ENPP3: variants seen among roughly 807,000 people sequenced by gnomAD.
The protein encoded by ENPP3 is ectonucleotide pyrophosphatase/phosphodiesterase 3, also known as ectonucleotide pyrophosphatase/phosphodiesterase family member 3.
In ENPP3, 104 loss-of-function variants were observed where a neutral mutation model predicts 117.8. That is an observed-to-expected ratio of 0.88 (90% CI 0.75 to 1.04). The LOEUF (loss-of-function observed/expected upper bound fraction) is 1.04. ENPP3 is among the 50% of genes least tolerant of loss of function. The probability of loss-of-function intolerance (pLI) is 0.00; values close to 1 mark genes in which losing one functional copy is unlikely to be tolerated. For missense variants in ENPP3, 1,026 were observed against 1,051.9 expected (o/e 0.98, Z 0.34); for synonymous variants, 380 against 349.9 (o/e 1.09, Z -0.96).
rs913747235 is a variant in ENPP3, at chr6:131,733,623, C to T, written c.1989C>T (p.Asp663=). ...DTSPLPPTVP[D]CLRADVRVPP... is the part of the protein sequence containing the mutation. Reference sequence around the variant, plus strand: ...CGCCTCTGCCTCCCACTGTCCCAGACTGTCTGCGGGCTGATGTCAGGGTTC... The same window carrying T: ...CGCCTCTGCCTCCCACTGTCCCAGATTGTCTGCGGGCTGATGTCAGGGTTC... The change falls in exon 21 of 25, where the codon GAC becomes GAT. Residue 663 remains aspartate (D), a synonymous_variant. Coordinates refer to ENST00000357639, the MANE Select transcript of ENPP3 (RefSeq NM_005021.5). 2 of 1,614,018 alleles carry T rather than the reference C, an allele frequency of 1.2e-6. No individual in the cohort carries two copies. The highest frequency in any genetic ancestry group is 2.2e-5 in the South Asian group (2 of 91,074).
chr6:131,730,914 CAAA>C (rs528990087), intron 20 of ENPP3, among the ~76,000 whole-genome samples: 3 of 98,116 alleles, frequency 3.1e-5, no homozygotes, highest in Non-Finnish European at 2.3e-5. Flanking sequence ...GACTCCATCT[CAAA>C]AAAAAAAAAA....
rs550999971 is a variant in ENPP3, at chr6:131,673,718, C to CAGAA, written c.643-426_643-423dup. Among the ~76,000 whole-genome samples the CAGAA allele has an allele frequency of 2.5e-3, 298 of 120,258 alleles. 2 individuals carry two copies. Among genetic ancestry groups the CAGAA allele is most frequent in the Middle Eastern group, 0.013 (3 of 226 alleles). 78.9% of individuals were successfully genotyped at this position (120,258 alleles called of 152,430 possible). A position where few individuals can be genotyped will look rare whatever the true frequency, so the allele number is the denominator to read the frequency against. On this transcript the variant is annotated intron_variant, in intron 7 of 24. Coordinates refer to ENST00000357639, the MANE Select transcript of ENPP3 (RefSeq NM_005021.5). ...AAGAAAAGACAGACAGACAGACAGA[C>CAGAA]AGAAAGAAAGAAAGAAAGAAAATAT...
At chr6:131,717,347 G>A (rs9493075) in intron 15 of ENPP3, among the ~76,000 whole-genome samples, 32,492 of 118,370 alleles carry the variant, frequency 0.27, 6,381 homozygotes, top group African/African-American at 0.59. Flanking sequence ...GAAACCCTGC[G>A]GGGGGTGTGT....
At position 131,639,521 on chromosome 6, in the gene ENPP3, ATC is replaced by A. The variant is rs566695069; in HGVS notation, c.79-1928_79-1927del. ...TGCATCATTAATTTCCCTTCTTTGT[ATC>A]TCTCTAGTGGTTTTTGAGTATATAT... On this transcript the variant is annotated intron_variant, in intron 1 of 24. Coordinates refer to ENST00000357639, the MANE Select transcript of ENPP3 (RefSeq NM_005021.5). Among the ~76,000 whole-genome samples, 10 of 152,138 alleles carry A rather than the reference ATC, an allele frequency of 6.6e-5. No homozygotes were observed. In the Middle Eastern group the frequency reaches 0.01, roughly 155 times the overall value.
intron 1 of ENPP3, chr6:131,638,682 C>A (rs1777977533): frequency 7.9e-6 from 2 of 253,106 alleles, no homozygotes; most frequent in African/African-American, 4.6e-5. Context: ...GCCTCGGCCT[C>A]CCAAAGTGCT....
rs1237341722 is a variant in ENPP3, at chr6:131,639,261, A to AT, written c.78+1800dup. 2.1e-3 allele frequency among the ~76,000 whole-genome samples: 136 copies of AT among 65,116 alleles called. 1 individual carries two copies. Among genetic ancestry groups the AT allele is most frequent in the African/African-American group, 5.4e-3 (57 of 10,462 alleles). The allele number at this position is 65,116 out of a possible 152,430, so 42.7% of individuals were successfully genotyped here. A position where few individuals can be genotyped will look rare whatever the true frequency, so the allele number is the denominator to read the frequency against. Reference sequence around the variant, plus strand: ...CTCTTATGCTAATATATATATATATATATATTTTTTTTTTTTTCTCTCTCT... The same window carrying AT: ...CTCTTATGCTAATATATATATATATATTATATTTTTTTTTTTTTCTCTCTCT... On this transcript the variant is annotated intron_variant, in intron 1 of 24. Transcript: ENST00000357639.
intron 11 of ENPP3, among the ~76,000 whole-genome samples, chr6:131,679,370 C>G (rs1382431141): frequency 6.6e-6 from 1 of 152,058 alleles, no homozygotes; most frequent in Non-Finnish European, 1.5e-5. Context: ...GTTGGGATTA[C>G]AGGCATGAAC....
rs778890783 is a variant in ENPP3 at position 131,674,221 on chromosome 6, C to A, written c.702C>A (p.Asn234Lys). The A allele has an allele frequency of 3.1e-6, 5 of 1,605,830 alleles. No individual in the cohort carries two copies. The highest frequency in any genetic ancestry group is 1.1e-5 in the South Asian group (1 of 90,898). The change falls in exon 8 of 25, where the codon AAC becomes AAA. Residue 234 changes from asparagine to lysine, a missense_variant. Coordinates refer to ENST00000357639, the MANE Select transcript of ENPP3 (RefSeq NM_005021.5). ...ATAATATGTATGATGTAAATCTCAA[C>A]AAGAATTTTTCACTTTCTTCAAAGG... Reference protein sequence around the residue: ...IDNNMYDVNLNKNFSLSSKEQ... With the variant: ...IDNNMYDVNLKKNFSLSSKEQ...
rs539783614 is a variant in ENPP3 at position 131,647,983 on chromosome 6, C to G, written c.155-2044C>G. On this transcript the variant is annotated intron_variant, in intron 2 of 24. Transcript: ENST00000357639. ...TTGTGTTTTCATGTACTCCTTTTGC[C>G]TTTCTGTCTTTCTTTATCTCTTTCC... is the stretch of plus-strand genomic sequence containing the variant. 2.6e-5 allele frequency among the ~76,000 whole-genome samples: 4 copies of G among 151,232 alleles called. No individual in the cohort carries two copies. The South Asian group carries it at 6.2e-4, about 24-fold the overall frequency.
intron 11 of ENPP3, among the ~76,000 whole-genome samples, chr6:131,679,593 G>T (rs1778978788): frequency 6.7e-6 from 1 of 150,138 alleles, no homozygotes; most frequent in Admixed American, 6.7e-5. Context: ...GTGCTGCAAA[G>T]GAAAAGATCG....
chr6:131,678,274 G>A (rs1203680274), intron 11 of ENPP3, among the ~76,000 whole-genome samples: 1 of 152,288 alleles, frequency 6.6e-6, no homozygotes, highest in South Asian at 2.1e-4. Flanking sequence ...TACTAATGTG[G>A]TGCATTTCAG....
chr6:131,705,109 G>GA (rs1414831310), intron 15 of ENPP3, among the ~76,000 whole-genome samples: 1 of 47,274 alleles, frequency 2.1e-5, no homozygotes, highest in South Asian at 5.1e-4. Context: ...GAGGAAGAGA[G>GA]AGAGGGAAAT....
intron 18 of ENPP3, among the ~76,000 whole-genome samples, chr6:131,723,825 TCTCACA>T (rs1374711911): frequency 3.6e-5 from 5 of 140,782 alleles, no homozygotes; most frequent in African/African-American, 1.5e-4. Flanking sequence ...TCTCTCTCTC[TCTCACA>T]CACACACACA....
chr6:131,711,074 A>AG lies in ENPP3; in HGVS notation c.1413-7597dup, dbSNP rs1410560482. On this transcript the variant is annotated intron_variant, in intron 15 of 24. Transcript: ENST00000357639. ...TAACACTGGCCACAACAAGCGGTGG[A>AG]GAACACGCAGCCTTGGGTCTGGAAC... 814 of 1,563,850 alleles carry AG rather than the reference A, an allele frequency of 5.2e-4. 5 individuals are homozygous for AG. Among genetic ancestry groups the AG allele is most frequent in the Non-Finnish European group, 6.8e-4 (785 of 1,161,754 alleles).
chr6:131,678,117 C>T (rs1778911632), intron 11 of ENPP3, among the ~76,000 whole-genome samples, 177 bp downstream of exon 11: 1 of 152,138 alleles, frequency 6.6e-6, no homozygotes, highest in South Asian at 2.1e-4. Flanking sequence ...GCCTACTTAA[C>T]CATAAAATAG....
At chr6:131,655,548 G>T (rs140420767) in intron 5 of ENPP3, among the ~76,000 whole-genome samples, 1 of 152,310 alleles carries the variant, frequency 6.6e-6, no homozygotes, top group Non-Finnish European at 1.5e-5. Flanking sequence ...GAACGGGTAA[G>T]GGGCTGAATA....
chr6:131,717,351 G>GGGGT (rs1314774220), intron 15 of ENPP3, among the ~76,000 whole-genome samples: 4 of 89,420 alleles, frequency 4.5e-5, no homozygotes, highest in Non-Finnish European at 7.9e-5. Context: ...CCCTGCGGGG[G>GGGGT]GTGTGTGTGT....
chr6:131,732,351 A>T (rs1350096539), intron 20 of ENPP3, among the ~76,000 whole-genome samples: 6 of 152,200 alleles, frequency 3.9e-5, no homozygotes, highest in African/African-American at 1.4e-4. Flanking sequence ...TAGGCAGCAC[A>T]TTTACAGGAT....
chr6:131,740,949 T>C (rs550020808), intron 24 of ENPP3, among the ~76,000 whole-genome samples: 1 of 152,286 alleles, frequency 6.6e-6, no homozygotes, highest in South Asian at 2.1e-4. Context: ...TTCTTCCCAA[T>C]GTTAGCACTA....
Sources: allele counts gnomAD v4.1 joint callset (sites outside exome capture counted in the v4.1 genomes callset), GRCh38; gene constraint gnomAD v4.1.1; transcripts MANE v1.5; gene names NCBI Gene and HGNC (gene_info 2026-07-23, HGNC 2026-07-21).